The following TRIM34 variants were observed in gnomAD, a reference collection of about 807,000 sequenced individuals.
The protein encoded by TRIM34 is tripartite motif containing 34, also known as E3 ubiquitin-protein ligase TRIM34.
A neutral mutation model predicts 38.1 loss-of-function variants in TRIM34; 41 were observed. That is an observed-to-expected ratio of 1.08 (90% confidence interval 0.84 to 1.40). The LOEUF (loss-of-function observed/expected upper bound fraction) is 1.40. TRIM34 is among the 40% of genes most tolerant of loss of function. TRIM34 has a pLI of 0.00. For missense variants in TRIM34, 556 were observed against 571.4 expected, an observed-to-expected ratio of 0.97 and a Z score of 0.27; for synonymous variants, 200 against 202.5, an observed-to-expected ratio of 0.99 and a Z score of 0.10.
At chr11:5,634,530 C>CACACACAT (rs1491498839) in intron 3 of TRIM34, 101 bp from the exon 4 acceptor site, 35 of 261,476 alleles carry the variant, frequency 1.3e-4, no homozygotes, top group Admixed American at 5.5e-4. Flanking sequence ...CACACACACA[C>CACACACAT]ATATATATAT....
At chr11:5,642,295 G>A (rs569296821) in intron 5 of TRIM34, 111 bp from the exon 6 acceptor site, 2 of 934,392 alleles carry the variant, frequency 2.1e-6, no homozygotes, top group South Asian at 1.8e-5. Context: ...CTCAGGCTCA[G>A]GGAGAAGGGT....
chr11:5,643,176 T>A lies in TRIM34; in HGVS notation c.934T>A (p.Leu312Met). 1 of 1,580,782 alleles carries A rather than the reference T, an allele frequency of 6.3e-7. No individual in the cohort carries two copies. Among genetic ancestry groups the A allele is most frequent in the Non-Finnish European group, 8.6e-7 (1 of 1,168,030 alleles). The change falls in exon 8 of 8, where the codon TTG becomes ATG. Residue 312 changes from leucine (L) to methionine (M), a missense_variant. Coordinates refer to ENST00000429814, the MANE Select transcript of TRIM34 (RefSeq NM_021616.6). ...CACACTGAATTCAGTCAACCTAAAT[T>A]TGAATCTTGTCCTTTCAGAAGATCA... ...DVTLNSVNLN[L>M]NLVLSEDQRQ...
At chr11:5,624,414 C>T (rs1849114551), upstream of TRIM34, among the ~76,000 whole-genome samples, 1 of 152,192 alleles carries the variant, frequency 6.6e-6, no homozygotes, top group Non-Finnish European at 1.5e-5. Flanking sequence ...CTCTCCGCCA[C>T]CCATCCTCCA....
chr11:5,627,468 C>T (rs1032996510), intron 1 of TRIM34, among the ~76,000 whole-genome samples: 1 of 152,064 alleles, frequency 6.6e-6, no homozygotes, highest in Non-Finnish European at 1.5e-5. Context: ...AGAGTGGTGG[C>T]AGTTGAGGTG....
rs1205687760 is a variant in TRIM34 at position 5,632,323 on chromosome 11, A to T, written c.-9A>T. ...AGTTAGGACCAGAAGAAGCCAGGGAAGCAGTGCAATGGCTTCAAAAATCTT... is the reference window on the plus strand; with the variant it reads ...AGTTAGGACCAGAAGAAGCCAGGGATGCAGTGCAATGGCTTCAAAAATCTT... On this transcript the variant is annotated 5_prime_UTR_variant, in exon 2 of 8. In the 5' UTR this introduces an upstream ATG that the reference lacks. Transcript: ENST00000429814. 1 of 1,614,138 alleles carries T rather than the reference A, an allele frequency of 6.2e-7. No homozygotes were observed. The highest frequency in any genetic ancestry group is 8.5e-7 in the Non-Finnish European group (1 of 1,180,020).
chr11:5,627,430 A>G (rs559309727), intron 1 of TRIM34, among the ~76,000 whole-genome samples: 38 of 152,278 alleles, frequency 2.5e-4, no homozygotes, highest in African/African-American at 8.7e-4. Context: ...GTGGAAGAAC[A>G]ATTTCCTGAA....
upstream of TRIM34, among the ~76,000 whole-genome samples, chr11:5,621,160 T>C (rs1848982296): frequency 6.6e-6 from 1 of 152,196 alleles, no homozygotes; most frequent in Non-Finnish European, 1.5e-5. Context: ...CACCCCTTTA[T>C]TGCAATGCCC....
At chr11:5,639,855 T>C (rs1202927643) in intron 4 of TRIM34, among the ~76,000 whole-genome samples, 1 of 152,080 alleles carries the variant, frequency 6.6e-6, no homozygotes, top group African/African-American at 2.4e-5. Context: ...TGGTACTTAA[T>C]AAGTATACAT....
chr11:5,628,707 T>C (rs919753612), intron 1 of TRIM34, among the ~76,000 whole-genome samples: 4 of 152,338 alleles, frequency 2.6e-5, no homozygotes, highest in Admixed American at 2.6e-4. Context: ...CCTAGCACTG[T>C]TGTAACCAAT....
At chr11:5,642,606 G>C (rs1850061057) in intron 6 of TRIM34, 100 bp downstream of exon 6, 7 of 1,460,288 alleles carry the variant, frequency 4.8e-6, no homozygotes, top group Admixed American at 2.3e-5. Context: ...CAGAAGAGAG[G>C]AGGGAGGTCA....
chr11:5,642,588 A>T, intron 6 of TRIM34, 82 bp downstream of exon 6: 1 of 1,523,030 alleles, frequency 6.6e-7, no homozygotes, highest in South Asian at 1.2e-5. Flanking sequence ...ATAACTTAAA[A>T]TTGAGGACAG....
chr11:5,640,713 G>C (rs1450448317), intron 4 of TRIM34, among the ~76,000 whole-genome samples: 1 of 152,080 alleles, frequency 6.6e-6, no homozygotes, highest in East Asian at 1.9e-4. Context: ...AATAACTTAT[G>C]AAGTTTTGAT....
At chr11:5,620,523 G>A (rs536858716), upstream of TRIM34, among the ~76,000 whole-genome samples, 1 of 152,208 alleles carries the variant, frequency 6.6e-6, no homozygotes, top group Non-Finnish European at 1.5e-5. Flanking sequence ...TCTTGTGAGG[G>A]TTGCAGTAAT....
chr11:5,621,851 C>A (rs147831938), upstream of TRIM34, among the ~76,000 whole-genome samples: 148 of 152,224 alleles, frequency 9.7e-4, no homozygotes, highest in African/African-American at 2.8e-3. Flanking sequence ...CTTGAGTTGT[C>A]CTGCCTTTTC....
upstream of TRIM34, among the ~76,000 whole-genome samples, chr11:5,623,584 G>A (rs1468518306): frequency 2.2e-5 from 3 of 139,000 alleles, no homozygotes; most frequent in Admixed American, 1.5e-4. Context: ...GTTTCACCAT[G>A]TTAGCCAGGG....
upstream of TRIM34, among the ~76,000 whole-genome samples, chr11:5,620,343 A>G (rs1483233990): frequency 6.6e-6 from 1 of 151,120 alleles, no homozygotes; most frequent in Middle Eastern, 3.2e-3. Context: ...GCACCCAGCT[A>G]AGCTTTTGTA....
chr11:5,637,529 A>G (rs1258998161), intron 4 of TRIM34, among the ~76,000 whole-genome samples: 4 of 152,198 alleles, frequency 2.6e-5, no homozygotes, highest in African/African-American at 9.6e-5. Flanking sequence ...GAAAGGATGG[A>G]ATGGTAGGTA....
intron 4 of TRIM34, among the ~76,000 whole-genome samples, chr11:5,639,416 C>T (rs1021013945): frequency 6.6e-6 from 1 of 151,998 alleles, no homozygotes; most frequent in Non-Finnish European, 1.5e-5. Flanking sequence ...CGCGGTGGCT[C>T]ACACCTGTAA....
At chr11:5,620,506 T>G (rs1848955641), upstream of TRIM34, among the ~76,000 whole-genome samples, 1 of 152,124 alleles carries the variant, frequency 6.6e-6, no homozygotes, top group Non-Finnish European at 1.5e-5. Context: ...CAGCCAAGCT[T>G]TTTTTCTCTT....
Sources: gnomAD v4.1 joint callset for allele counts (sites outside exome capture counted in the v4.1 genomes callset) on GRCh38, gnomAD v4.1.1 for gene constraint, MANE v1.5 for transcripts, NCBI Gene and HGNC (gene_info 2026-07-23, HGNC 2026-07-21) for gene names.